ANKFN1: variants seen among roughly 807,000 people sequenced by gnomAD.
ANKFN1 encodes the protein ankyrin repeat and fibronectin type-III domain-containing protein 1.
Under a neutral mutation model 108.7 loss-of-function variants are expected in ANKFN1, and 74 were observed. The ratio of observed to expected loss-of-function variants is 0.68; its 90% CI spans 0.56 to 0.83. The LOEUF is 0.83. Ranked by LOEUF, ANKFN1 falls within the 40% of genes least tolerant of loss-of-function variation. ANKFN1 has a pLI of 0.00. For synonymous variants in ANKFN1, 547 were observed against 516.2 expected (o/e 1.06, Z -0.81); for missense variants, 1,505 against 1,382.3 (o/e 1.09, Z -1.41).
intron 4 of ANKFN1, among the ~76,000 whole-genome samples, chr17:56,112,162 G>T (rs1358071724): frequency 1.3e-5 from 2 of 152,046 alleles, no homozygotes; most frequent in African/African-American, 4.8e-5. Context: ...ATTAGAGCAA[G>T]AAGTCATTTT....
At chr17:56,352,305 T>A (rs1046145069) in intron 5 of ANKFN1, among the ~76,000 whole-genome samples, 4 of 152,244 alleles carry the variant, frequency 2.6e-5, no homozygotes, top group African/African-American at 9.6e-5. Context: ...TGTTATGTAC[T>A]CAGCTAAAGC....
At position 56,264,954 on chromosome 17, in the gene ANKFN1, C is replaced by G. The variant is rs948165455; in HGVS notation, c.53+36997C>G. On this transcript the variant is annotated intron_variant, in intron 3 of 20. Coordinates refer to ENST00000682825, the MANE Select transcript of ANKFN1 (RefSeq NM_001370326.1). ...CCCAGCCCTCTAGCTCAGGCCATAT[C>G]CTCATCTACTTTTTCACATTTTTAT... is the stretch of plus-strand genomic sequence containing the variant. 3.9e-5 allele frequency among the ~76,000 whole-genome samples: 6 copies of G among 152,118 alleles called. No homozygotes were observed. The East Asian group carries it at 1.2e-3, about 29-fold the overall frequency.
intron 11 of ANKFN1, among the ~76,000 whole-genome samples, chr17:56,454,315 A>G (rs1207880330): frequency 6.6e-6 from 1 of 152,050 alleles, no homozygotes; most frequent in East Asian, 1.9e-4. Flanking sequence ...GGTTATTTTT[A>G]TAGACTCTTA....
chr17:56,214,566 G>A (rs1915284802), intron 2 of ANKFN1, among the ~76,000 whole-genome samples: 1 of 152,162 alleles, frequency 6.6e-6, no homozygotes, highest in Non-Finnish European at 1.5e-5. Flanking sequence ...TACATACATG[G>A]TTAGCGAAAA....
chr17:56,066,922 G>A (rs1342635658), intron 4 of ANKFN1, among the ~76,000 whole-genome samples: 1 of 152,172 alleles, frequency 6.6e-6, no homozygotes, highest in Non-Finnish European at 1.5e-5. Context: ...CAGGTGTGGT[G>A]GCTCACACCT....
At chr17:56,493,414 G>T (rs140637311) in intron 19 of ANKFN1, among the ~76,000 whole-genome samples, 1 of 152,258 alleles carries the variant, frequency 6.6e-6, no homozygotes, top group Non-Finnish European at 1.5e-5. Flanking sequence ...AGAATGTAGA[G>T]CATTCAAAGA....
chr17:56,073,901 T>A (rs1299182550), intron 4 of ANKFN1, among the ~76,000 whole-genome samples: 1 of 152,226 alleles, frequency 6.6e-6, no homozygotes, highest in Non-Finnish European at 1.5e-5. Flanking sequence ...TGTGTATCTA[T>A]CCATTGATGA....
intron 1 of ANKFN1, among the ~76,000 whole-genome samples, chr17:56,188,222 T>C (rs1169097666): frequency 6.6e-6 from 1 of 152,102 alleles, no homozygotes; most frequent in East Asian, 1.9e-4. Flanking sequence ...TGGGTTAATT[T>C]CCCAGTGTTT....
chr17:56,389,997 T>C (rs1392269308), intron 8 of ANKFN1, among the ~76,000 whole-genome samples: 1 of 152,202 alleles, frequency 6.6e-6, no homozygotes, highest in South Asian at 2.1e-4. Flanking sequence ...TTAAAAGACA[T>C]TTCTTCAGAG....
chr17:56,435,994 A>C (rs1386333928), intron 8 of ANKFN1, among the ~76,000 whole-genome samples: 2 of 152,006 alleles, frequency 1.3e-5, no homozygotes, highest in Non-Finnish European at 2.9e-5. Context: ...CTTGTAACTG[A>C]TTCCGTGACA....
At chr17:56,385,752 A>C (rs1309740147) in intron 8 of ANKFN1, among the ~76,000 whole-genome samples, 1 of 152,228 alleles carries the variant, frequency 6.6e-6, no homozygotes, top group African/African-American at 2.4e-5. Context: ...AGAGAAATGC[A>C]AATCAAAACC....
Position 56,480,777 on chromosome 17 carries a change from G to C in ANKFN1, c.2050G>C (p.Val684Leu), listed in dbSNP as rs2050666422. 6.2e-7 allele frequency: 1 copy of C among 1,614,018 alleles called. No individual in the cohort carries two copies. The highest frequency in any genetic ancestry group is 8.5e-7 in the Non-Finnish European group (1 of 1,179,952). ...GTTCTTCTACGAGCTCCAGATGGCA[G>C]TGAAAGCTCTCCTTCAGCAGATCAA... Reference protein sequence around the residue: ...QLFFYELQMAVKALLQQINIP... With the variant: ...QLFFYELQMALKALLQQINIP... The change falls in exon 17 of 21, where the codon GTG becomes CTG. Residue 684 changes from valine to leucine, a missense_variant. By Grantham distance (32) the Val-to-Leu change is conservative. Coordinates refer to ENST00000682825, the MANE Select transcript of ANKFN1 (RefSeq NM_001370326.1).
chr17:56,431,562 G>A (rs535737613), intron 8 of ANKFN1, among the ~76,000 whole-genome samples: 2 of 152,224 alleles, frequency 1.3e-5, no homozygotes, highest in Admixed American at 6.5e-5. Context: ...TCTGAGCCCC[G>A]ATTCTGTACT....
intron 20 of ANKFN1, among the ~76,000 whole-genome samples, chr17:56,502,037 G>C (rs565000596): frequency 6.6e-6 from 1 of 152,302 alleles, no homozygotes; most frequent in Non-Finnish European, 1.5e-5. Flanking sequence ...GCTGCAAAAG[G>C]GAAGAAGGAG....
intron 6 of ANKFN1, among the ~76,000 whole-genome samples, chr17:56,370,808 C>G (rs987541503): frequency 1.3e-5 from 2 of 152,220 alleles, no homozygotes; most frequent in African/African-American, 4.8e-5. Flanking sequence ...TCATAGCAGA[C>G]TCTACCATTA....
chr17:56,089,339 A>C lies in ANKFN1; in HGVS notation c.288+43014A>C, dbSNP rs560334071. On this transcript the variant is annotated intron_variant, in intron 4 of 12. Transcript: ENST00000635860. ...GAACACTTAGATTGCATAAGGTTTT[A>C]CTACCATAAATAATACTGCGATAAA... Among the ~76,000 whole-genome samples the C allele has an allele frequency of 2.0e-5, 3 of 151,546 alleles. No individual in the cohort carries two copies. The South Asian group carries it at 6.2e-4, about 32-fold the overall frequency.
intron 4 of ANKFN1, among the ~76,000 whole-genome samples, chr17:56,113,604 G>A (rs1407709729): frequency 6.6e-6 from 1 of 152,128 alleles, no homozygotes; most frequent in African/African-American, 2.4e-5. Flanking sequence ...TCCGTAAAAT[G>A]GAACTCTAAT....
intron 3 of ANKFN1, among the ~76,000 whole-genome samples, chr17:56,308,318 A>G (rs2044903139): frequency 6.6e-6 from 1 of 152,116 alleles, no homozygotes; most frequent in African/African-American, 2.4e-5. Flanking sequence ...GAGCAATTGT[A>G]AATGGTATTG....
intron 8 of ANKFN1, among the ~76,000 whole-genome samples, chr17:56,415,291 C>T (rs1297387914): frequency 6.6e-6 from 1 of 152,100 alleles, no homozygotes; most frequent in Non-Finnish European, 1.5e-5. Context: ...GTGATATGAT[C>T]TTATATTTGG....
Sources: allele counts gnomAD v4.1 joint callset (sites outside exome capture counted in the v4.1 genomes callset), GRCh38; gene constraint gnomAD v4.1.1; transcripts MANE v1.5; gene names NCBI Gene and HGNC (gene_info 2026-07-23, HGNC 2026-07-21).